Variants in PCSK5 observed in about 807,000 individuals in gnomAD.
The protein encoded by PCSK5 is prohormone convertase 5.
In PCSK5, 129 loss-of-function variants were observed where a neutral mutation model predicts 233.2. That is an observed-to-expected ratio of 0.55 (90% CI 0.48 to 0.64). The LOEUF (loss-of-function observed/expected upper bound fraction) is 0.64, where lower values mean the gene tolerates loss of function less well. Ranked by LOEUF, PCSK5 falls within the 30% of genes least tolerant of loss-of-function variation. PCSK5 has a pLI of 0.00. For synonymous variants in PCSK5, 825 were observed against 879.2 expected (o/e 0.94, Z 1.09); for missense variants, 2,076 against 2,430.1 (o/e 0.85, Z 3.06).
intron 2 of PCSK5, among the ~76,000 whole-genome samples, chr9:75,966,372 A>G (rs1352719707): frequency 2.6e-5 from 4 of 152,234 alleles, no homozygotes; most frequent in Middle Eastern, 3.2e-3. Context: ...AGCAGCATCA[A>G]ATTGGAAAAT....
At chr9:76,090,528 G>A (rs977431311) in intron 7 of PCSK5, among the ~76,000 whole-genome samples, 5 of 152,108 alleles carry the variant, frequency 3.3e-5, no homozygotes, top group African/African-American at 1.2e-4. Flanking sequence ...CTCCTGGGTC[G>A]AATGATGGCA....
At position 75,976,342 on chromosome 9, in the gene PCSK5, T is replaced by C. The variant is rs577397574; in HGVS notation, c.298-9790T>C. On this transcript the variant is annotated intron_variant, in intron 2 of 37. Transcript: ENST00000674117. ...CACACACCTTTTTCTCTCTTTTCCC[T>C]CTCTCTCTCTTTACATAAACTAAGT... is the stretch of plus-strand genomic sequence containing the variant. Among the ~76,000 whole-genome samples the C allele has an allele frequency of 2.8e-4, 43 of 151,168 alleles. No individual in the cohort carries two copies. In the East Asian group the frequency reaches 8.0e-3, roughly 28 times the overall value.
At chr9:75,941,534 G>A (rs1824304433) in intron 2 of PCSK5, among the ~76,000 whole-genome samples, 1 of 152,084 alleles carries the variant, frequency 6.6e-6, no homozygotes, top group Non-Finnish European at 1.5e-5. Flanking sequence ...CTGCAGATGT[G>A]CTGATCAGGA....
chr9:76,174,821 A>G (rs564545252), intron 13 of PCSK5, among the ~76,000 whole-genome samples, 165 bp from the exon 14 acceptor site: 1 of 152,336 alleles, frequency 6.6e-6, no homozygotes, highest in East Asian at 1.9e-4. Context: ...AATTCTGCAG[A>G]TGACGAGAAA....
At chr9:75,967,803 C>T (rs1460363638) in intron 2 of PCSK5, among the ~76,000 whole-genome samples, 3 of 151,046 alleles carry the variant, frequency 2.0e-5, no homozygotes, top group Admixed American at 6.6e-5. Flanking sequence ...CTCTTGTTGC[C>T]GAGGCTGGAG....
At chr9:76,267,208 G>A (rs1422653838) in intron 24 of PCSK5, among the ~76,000 whole-genome samples, 1 of 152,156 alleles carries the variant, frequency 6.6e-6, no homozygotes, top group Non-Finnish European at 1.5e-5. Flanking sequence ...CTGCAAACTG[G>A]TTCTGGGCTG....
intron 2 of PCSK5, among the ~76,000 whole-genome samples, chr9:75,951,564 A>G (rs1348990226): frequency 6.6e-6 from 1 of 152,186 alleles, no homozygotes; most frequent in East Asian, 1.9e-4. Context: ...ACATAGAAAA[A>G]TGATACCCTG....
At chr9:76,023,713 T>C in intron 3 of PCSK5, 25 bp from the exon 4 acceptor site, 1 of 1,579,118 alleles carries the variant, frequency 6.3e-7, no homozygotes, top group Non-Finnish European at 8.6e-7. Flanking sequence ...TTTAGTAATC[T>C]TGCAGCATGC....
chr9:76,354,114 C>G lies in PCSK5; in HGVS notation c.5149C>G (p.Pro1717Ala), dbSNP rs1276892791. The G allele has an allele frequency of 6.2e-7, 1 of 1,604,318 alleles. No homozygotes were observed. The change falls in exon 37 of 38, where the codon CCT becomes GCT. Residue 1717 changes from proline (P) to alanine (A), a missense_variant. Transcript: ENST00000674117. The stretch of plus-strand genomic sequence containing the variant: ...AGGGGCCAAGAACTGCACCTTGTGC[C>G]CTGCCAACCTGGTGCTGCACATGGA... Reference protein sequence around the residue: ...GPGAKNCTLCPANLVLHMDDS... With the variant: ...GPGAKNCTLCAANLVLHMDDS...
intron 20 of PCSK5, among the ~76,000 whole-genome samples, chr9:76,203,864 T>C (rs1482779604): frequency 6.6e-6 from 1 of 152,218 alleles, no homozygotes; most frequent in Non-Finnish European, 1.5e-5. Flanking sequence ...TCACAGAATC[T>C]GAAGGGAGGC....
rs558822299 is a variant in PCSK5, at chr9:76,168,777, A to G, written c.1620-927A>G. Among the ~76,000 whole-genome samples the G allele has an allele frequency of 3.9e-4, 60 of 152,274 alleles. 1 individual carries two copies. The highest frequency in any genetic ancestry group is 3.8e-3 in the Admixed American group (58 of 15,294). On this transcript the variant is annotated intron_variant, in intron 12 of 37. Coordinates refer to ENST00000674117, the MANE Select transcript of PCSK5 (RefSeq NM_001372043.1). ...TATGTGAATAATTCAGTGAGTTTTG[A>G]CAAATCTGTGTTGCTGTATAGCCAC... is the stretch of plus-strand genomic sequence containing the variant.
chr9:76,167,849 G>A (rs993899349), intron 12 of PCSK5, among the ~76,000 whole-genome samples: 6 of 150,904 alleles, frequency 4.0e-5, no homozygotes, highest in African/African-American at 9.9e-5. Context: ...TTACCATAAC[G>A]TTTGTTACCA....
At chr9:75,986,037 AGCC>A (rs1826498980) in intron 2 of PCSK5, 92 bp from the exon 3 acceptor site, 5 of 730,448 alleles carry the variant, frequency 6.8e-6, no homozygotes, top group African/African-American at 3.5e-5. Context: ...TGACTTAAAT[AGCC>A]TTGACTTACA....
intron 5 of PCSK5, among the ~76,000 whole-genome samples, chr9:76,036,526 T>C (rs1038270203): frequency 6.6e-6 from 1 of 152,178 alleles, no homozygotes; most frequent in African/African-American, 2.4e-5. Flanking sequence ...TCTCAGAACC[T>C]TCCTCACCAC....
In PCSK5 at chr9:76,342,868, C is replaced by T. The variant is rs750946210; in HGVS notation, c.4966+4421C>T. On this transcript the variant is annotated intron_variant, in intron 35 of 37. Coordinates refer to ENST00000674117, the MANE Select transcript of PCSK5 (RefSeq NM_001372043.1). The stretch of plus-strand genomic sequence containing the variant: ...CCTGGCCATTACCCTCTGCTCCTCC[C>T]CCTCTCTCAATCCCCACATTCAATT... 4.0e-4 allele frequency among the ~76,000 whole-genome samples: 61 copies of T among 152,234 alleles called. 1 individual carries two copies. The highest frequency in any genetic ancestry group is 8.3e-4 in the South Asian group (4 of 4,814).
intron 1 of PCSK5, among the ~76,000 whole-genome samples, chr9:75,928,597 A>ATATATATATATGTATATATATGTG (rs1823614364): frequency 2.4e-4 from 2 of 8,346 alleles, no homozygotes; most frequent in African/African-American, 9.0e-4. Flanking sequence ...ATATAAATAC[A>ATATATATATATGTATATATATGTG]TATATATATA....
At chr9:76,184,091 T>C (rs759810148) in intron 16 of PCSK5, among the ~76,000 whole-genome samples, 6 of 152,200 alleles carry the variant, frequency 3.9e-5, no homozygotes, top group Non-Finnish European at 8.8e-5. Flanking sequence ...TGTAATAACA[T>C]TTATACCAAT....
At chr9:76,340,586 A>G in intron 35 of PCSK5, among the ~76,000 whole-genome samples, 1 of 144,730 alleles carries the variant, frequency 6.9e-6, no homozygotes, top group Admixed American at 7.4e-5. Flanking sequence ...CAGAGGTTGC[A>G]GTGAGCCGAG....
At chr9:76,114,666 T>A (rs1371848144) in intron 9 of PCSK5, among the ~76,000 whole-genome samples, 1 of 152,024 alleles carries the variant, frequency 6.6e-6, no homozygotes, top group African/African-American at 2.4e-5. Context: ...CTTAGGAGAC[T>A]GTTACCTGCC....
Sources: allele counts gnomAD v4.1 joint callset (sites outside exome capture counted in the v4.1 genomes callset), GRCh38; gene constraint gnomAD v4.1.1; transcripts MANE v1.5; gene names NCBI Gene and HGNC (gene_info 2026-07-23, HGNC 2026-07-21).